The following CLCN2 variants were observed in gnomAD, a reference collection of about 807,000 sequenced individuals.
CLCN2 encodes chloride channel protein 2.
In CLCN2, 72 loss-of-function variants were observed where a neutral mutation model predicts 108.3. The ratio of observed to expected loss-of-function variants is 0.66; its 90% CI spans 0.55 to 0.81. The LOEUF is 0.81. CLCN2 is among the 30% of genes least tolerant of loss of function. The pLI, the probability that CLCN2 is intolerant of heterozygous loss-of-function variation, is 0.00. For synonymous variants in CLCN2, 471 were observed against 467.1 expected (o/e 1.01, Z -0.11); for missense variants, 1,048 against 1,205.2 (o/e 0.87, Z 1.93).
In CLCN2 at chr3:184,357,997, A is replaced by T. The variant is rs1490190440; in HGVS notation, c.580T>A (p.Cys194Ser). Residue 194 changes from cysteine to serine, a missense_variant, in exon 5 of 24, where the codon TGC becomes AGC. By Grantham distance (112) the Cys-to-Ser change is moderately radical (BLOSUM62 -1). Transcript: ENST00000265593. ...TFIAKVIGLTCALGSGMPLGK... is the reference protein window; with the variant it reads ...TFIAKVIGLTSALGSGMPLGK... ...AGCGGCATCCCGCTGCCTAGGGCGC[A>T]GGTCAGCCCAATGACCTTAGCTATA... is the stretch of plus-strand genomic sequence containing the variant. The T allele has an allele frequency of 1.2e-6, 2 of 1,613,956 alleles. No individual in the cohort carries two copies. The highest frequency in any genetic ancestry group is 4.5e-5 in the East Asian group (2 of 44,892).
At chr3:184,351,667 C>A (rs1728105172) in intron 22 of CLCN2, among the ~76,000 whole-genome samples, 1 of 152,192 alleles carries the variant, frequency 6.6e-6, no homozygotes, top group Non-Finnish European at 1.5e-5. Flanking sequence ...ATGGGCGTAT[C>A]AACCTTGCTG....
chr3:184,350,078 T>C (rs184915358), intron 22 of CLCN2, among the ~76,000 whole-genome samples: 195 of 152,362 alleles, frequency 1.3e-3, no homozygotes, highest in African/African-American at 4.5e-3. Context: ...TCACTTCTAG[T>C]TCTTTGTACT....
chr3:184,352,920 T>C (rs1288322611), intron 18 of CLCN2, 110 bp from the exon 19 acceptor site: 25 of 1,521,700 alleles, frequency 1.6e-5, no homozygotes, highest in Non-Finnish European at 1.8e-6. Flanking sequence ...CCCTGGCCCA[T>C]GTGGGCAGCC....
chr3:184,348,713 C>A, intron 22 of CLCN2: 1 of 152,168 alleles, frequency 6.6e-6, no homozygotes, highest in East Asian at 1.9e-4. Context: ...CTCATCTTCT[C>A]CCAAGGAGCC....
At chr3:184,359,533 A>AGAGCCTCGT (rs1711694481) in intron 1 of CLCN2, among the ~76,000 whole-genome samples, 2 of 152,358 alleles carry the variant, frequency 1.3e-5, no homozygotes, top group South Asian at 4.1e-4. Context: ...GGCAACAATA[A>AGAGCCTCGT]GAGCCTCGTG....
chr3:184,356,074 T>G, intron 10 of CLCN2: 4 of 427,036 alleles, frequency 9.4e-6, no homozygotes, highest in East Asian at 5.0e-5. Flanking sequence ...CGAGTTGTTA[T>G]TCCACCCTCC....
chr3:184,356,043 A>C (rs1728522528), intron 10 of CLCN2: 2 of 484,098 alleles, frequency 4.1e-6, no homozygotes, highest in Non-Finnish European at 7.6e-6. Flanking sequence ...TCCATCCTCC[A>C]AGCCCTCCCT....
chr3:184,358,817 G>T lies in CLCN2; in HGVS notation c.221-4C>A, dbSNP rs748018356. Reference sequence around the variant, plus strand: ...TTGTGGCAGCGGACAGAACAGACTGGGTGCAGGGAAGGGAAGAAGGGGGAG... The same window carrying T: ...TTGTGGCAGCGGACAGAACAGACTGTGTGCAGGGAAGGGAAGAAGGGGGAG... On this transcript the variant is annotated splice_region_variant and splice_polypyrimidine_tract_variant and intron_variant, in intron 2 of 23. Transcript: ENST00000265593. The T allele has an allele frequency of 2.1e-5, 34 of 1,613,792 alleles. No homozygotes were observed. In the Middle Eastern group the frequency reaches 9.9e-4, roughly 47 times the overall value.
chr3:184,346,482 AG>A lies in CLCN2; in HGVS notation c.*123del. 1 of 1,110,974 alleles carries A rather than the reference AG, an allele frequency of 9.0e-7. No individual in the cohort carries two copies. Among genetic ancestry groups the A allele is most frequent in the South Asian group, 1.3e-5 (1 of 77,404 alleles). The allele number at this position is 1,110,974 out of a possible 1,614,324, so 68.8% of individuals were successfully genotyped here. ...GGAGAAGCTGGCACCCCAGGTCTGG[AG>A]GGGGCTGGGGTGCAGCCTCCAGCTG... On this transcript the variant is annotated 3_prime_UTR_variant, in exon 24 of 24. Transcript: ENST00000265593. The surrounding 1 kb of genome is among the most constrained non-coding windows in gnomAD (Gnocchi z 6.0).
At position 184,355,763 on chromosome 3, in the gene CLCN2, C is replaced by T. The variant is rs3749221; in HGVS notation, c.1101G>A (p.Pro367=). The change falls in exon 11 of 24, where the codon CCG becomes CCA. Residue 367 remains proline (P), a synonymous_variant. Transcript: ENST00000265593. This position sits in a 1 kb window ranked among gnomAD's most constrained non-coding sequence, Gnocchi z 6.3. ...RFLMRKRLLF[P]ALVTLLISTL... ...TGGAGATGAGCAGGGTCACCAGAGC[C>T]GGGAAGAGCAGGCGTCTAGAGTCGT... is the stretch of plus-strand genomic sequence containing the variant. 0.024 allele frequency: 38,313 copies of T among 1,614,002 alleles called. 567 individuals are homozygous for T. Among genetic ancestry groups the T allele is most frequent in the East Asian group, 0.063 (2,837 of 44,864 alleles).
rs976295580 is a variant in CLCN2 at position 184,355,073 on chromosome 3, G to A, written c.1327-100C>T. 47 of 1,182,050 alleles carry A rather than the reference G, an allele frequency of 4.0e-5. No individual in the cohort carries two copies. Among genetic ancestry groups the A allele is most frequent in the African/African-American group, 3.8e-4 (25 of 66,198 alleles). The allele number at this position is 1,182,050 out of a possible 1,614,324, so 73.2% of individuals were successfully genotyped here. ...AGTCTACCTCGCTGATCAGGTGGGCGTAACCCTCCCAGCCACCCCGTAACC... is the reference window on the plus strand; with the variant it reads ...AGTCTACCTCGCTGATCAGGTGGGCATAACCCTCCCAGCCACCCCGTAACC... On this transcript the variant is annotated intron_variant, in intron 12 of 23. Transcript: ENST00000265593. This position sits in a 1 kb window ranked among gnomAD's most constrained non-coding sequence, Gnocchi z 6.3.
Position 184,357,240 on chromosome 3 carries a change from G to C in CLCN2, c.925C>G (p.Arg309Gly), listed in dbSNP as rs863225250. The C allele has an allele frequency of 6.2e-7, 1 of 1,614,010 alleles. No individual in the cohort carries two copies. Among genetic ancestry groups the C allele is most frequent in the Non-Finnish European group, 8.5e-7 (1 of 1,180,036 alleles). The part of the protein sequence containing the change: ...EETITALFKT[R>G]FRLDFPFDLQ... ...TCAAAGGGGAAGTCGAGCCGGAATC[G>C]GGTTTTGAAGAGGGCTGTAATAGTC... Residue 309 changes from arginine (R) to glycine (G), a missense_variant, in exon 9 of 24, where the codon CGA (arginine) becomes GGA (glycine). Transcript: ENST00000265593.
In CLCN2 at chr3:184,355,093, G is replaced by A. The variant is rs1728446952; in HGVS notation, c.1327-120C>T. The stretch of plus-strand genomic sequence containing the variant: ...TGGGCGTAACCCTCCCAGCCACCCC[G>A]TAACCCTCCTAGCTACCCTGGGACC... On this transcript the variant is annotated intron_variant, in intron 12 of 23. Coordinates refer to ENST00000265593, the MANE Select transcript of CLCN2 (RefSeq NM_004366.6). This position sits in a 1 kb window ranked among gnomAD's most constrained non-coding sequence, Gnocchi z 6.3. 20 of 1,000,670 alleles carry A rather than the reference G, an allele frequency of 2.0e-5. No individual in the cohort carries two copies. Among genetic ancestry groups the A allele is most frequent in the Middle Eastern group, 2.8e-4 (1 of 3,570 alleles). The allele number at this position is 1,000,670 out of a possible 1,614,324, so 62.0% of individuals were successfully genotyped here.
intron 5 of CLCN2, 43 bp downstream of exon 5, chr3:184,357,919 C>T: frequency 3.7e-6 from 6 of 1,613,724 alleles, no homozygotes; most frequent in Non-Finnish European, 5.1e-6. Context: ...CTGGCCTCCT[C>T]TTCCACCAGG....
At chr3:184,358,566 TG>T in intron 3 of CLCN2, 115 bp downstream of exon 3, 1 of 1,402,552 alleles carries the variant, frequency 7.1e-7, no homozygotes, top group Non-Finnish European at 9.9e-7. Context: ...TCAGACTGGC[TG>T]GGGAAAGTGG....
rs578194908 is a variant in CLCN2, at chr3:184,353,607, C to T, written c.1855+55G>A. 184 of 1,606,738 alleles carry T rather than the reference C, an allele frequency of 1.1e-4. No individual in the cohort carries two copies. In the African/African-American group the frequency reaches 2.0e-3, roughly 17 times the overall value. On this transcript the variant is annotated intron_variant, in intron 16 of 23. Coordinates refer to ENST00000265593, the MANE Select transcript of CLCN2 (RefSeq NM_004366.6). ...TGGTCCTGAGCTCCCTGCCCCTTCCCGAAGCTTCGACCCTGGGCAATGCCC... is the reference window on the plus strand; with the variant it reads ...TGGTCCTGAGCTCCCTGCCCCTTCCTGAAGCTTCGACCCTGGGCAATGCCC...
chr3:184,355,720 CA>C lies in CLCN2; in HGVS notation c.1143del (p.Gly382AlafsTer34), dbSNP rs863225252. 26 of 1,614,018 alleles carry C rather than the reference CA, an allele frequency of 1.6e-5. No homozygotes were observed. The highest frequency in any genetic ancestry group is 2.7e-5 in the African/African-American group (2 of 74,900). On this transcript the variant is annotated frameshift_variant, in exon 11 of 24. Transcript: ENST00000265593. LOFTEE classifies it high-confidence loss of function. The surrounding 1 kb of genome is among the most constrained non-coding windows in gnomAD (Gnocchi z 6.3). ...TGTCCAGCCATGAACTGTCCAAAGC[CA>C]GGGGGGAAGGTCAGCGTGGAGATGA... ...TLLISTLTFP[P>X]GFGQFMAGQL...
At position 184,354,332 on chromosome 3, in the gene CLCN2, C is replaced by T. The variant is rs772324822; in HGVS notation, c.1508-18G>A. 2.6e-5 allele frequency: 42 copies of T among 1,610,908 alleles called. No individual in the cohort carries two copies. The Admixed American group carries it at 6.5e-4, about 25-fold the overall frequency. On this transcript the variant is annotated intron_variant, in intron 14 of 23. Transcript: ENST00000265593. ...AGCTGCCCCTGGGGACAGTCACACT[C>T]AGTCTCCTCAGGGTGCCCAGGTCCC...
At position 184,358,267 on chromosome 3, in the gene CLCN2, G is replaced by C; in HGVS notation, c.396C>G (p.Leu132=). ...GGTAGGTGACCCAGGCCAGGTACTG[G>C]AGCAAGATGCTGGTGTTCAAGCCCC... The part of the protein sequence containing the change: ...MSRGLNTSIL[L]QYLAWVTYPV... The change falls in exon 4 of 24, where the codon CTC becomes CTG. Residue 132 remains leucine, a synonymous_variant. Coordinates refer to ENST00000265593, the MANE Select transcript of CLCN2 (RefSeq NM_004366.6). 6.2e-7 allele frequency: 1 copy of C among 1,614,158 alleles called. No individual in the cohort carries two copies. Among genetic ancestry groups the C allele is most frequent in the East Asian group, 2.2e-5 (1 of 44,890 alleles).
Sources: gnomAD v4.1 joint callset for allele counts (sites outside exome capture counted in the v4.1 genomes callset) on GRCh38, gnomAD v4.1.1 for gene constraint, Gnocchi (gnomAD v3.1) non-coding constraint, MANE v1.5 for transcripts, NCBI Gene and HGNC (gene_info 2026-07-23, HGNC 2026-07-21) for gene names.